Variants in LMBR1 observed in about 807,000 individuals in gnomAD.
LMBR1 encodes the protein limb region 1 protein homolog.
Under a neutral mutation model 73.9 loss-of-function variants are expected in LMBR1, and 52 were observed. That is an observed-to-expected ratio of 0.70 (90% CI 0.56 to 0.89). The LOEUF (loss-of-function observed/expected upper bound fraction) is 0.89. Among genes scored for constraint, LMBR1 ranks in the 40% least tolerant of loss-of-function variants. The pLI is 0.00. For missense variants in LMBR1, 539 were observed against 579.8 expected, an observed-to-expected ratio of 0.93 and a Z score of 0.72; for synonymous variants, 215 against 209.4, an observed-to-expected ratio of 1.03 and a Z score of -0.23.
intron 5 of LMBR1, among the ~76,000 whole-genome samples, chr7:156,783,883 T>A (rs1183515438): frequency 6.6e-6 from 1 of 152,172 alleles, no homozygotes; most frequent in Non-Finnish European, 1.5e-5. Context: ...ATCATCAAAG[T>A]GTATGTGTAG....
chr7:156,891,578 A>ATCAG (rs1249801076), intron 1 of LMBR1, among the ~76,000 whole-genome samples: 2 of 152,156 alleles, frequency 1.3e-5, no homozygotes, highest in Non-Finnish European at 2.9e-5. Flanking sequence ...AGGGAAAGGA[A>ATCAG]TCAGTCTCTG....
intron 15 of LMBR1, among the ~76,000 whole-genome samples, chr7:156,692,252 T>G (rs577575492): frequency 2.6e-5 from 4 of 152,248 alleles, no homozygotes; most frequent in African/African-American, 9.6e-5. Context: ...AATTTTTGTA[T>G]TTTTAGTAGA....
intron 4 of LMBR1, among the ~76,000 whole-genome samples, chr7:156,671,644 G>A (rs1802557429): frequency 6.6e-6 from 1 of 150,880 alleles, no homozygotes; most frequent in African/African-American, 2.4e-5. Context: ...TGTACTGCAG[G>A]ACGCCGATGT....
chr7:156,677,489 G>A (rs76939230), downstream of LMBR1, among the ~76,000 whole-genome samples: 2,147 of 152,192 alleles, frequency 0.014, 41 homozygotes, highest in African/African-American at 0.048. Context: ...CTGGTGGAGG[G>A]GCAGGAGGAC....
chr7:156,702,586 T>C (rs1459842328), intron 15 of LMBR1, among the ~76,000 whole-genome samples: 19 of 152,338 alleles, frequency 1.2e-4, no homozygotes, highest in African/African-American at 2.4e-5. Context: ...CTCATGATAG[T>C]TTCTTTTGCT....
intron 4 of LMBR1, among the ~76,000 whole-genome samples, chr7:156,801,572 C>CT (rs1830981310): frequency 6.6e-6 from 1 of 152,144 alleles, no homozygotes; most frequent in Admixed American, 6.5e-5. Flanking sequence ...AAGATGCTAT[C>CT]TTTTTTTCTG....
At chr7:156,776,962 T>G (rs1826255536) in intron 5 of LMBR1, among the ~76,000 whole-genome samples, 1 of 151,348 alleles carries the variant, frequency 6.6e-6, no homozygotes, top group Non-Finnish European at 1.5e-5. Context: ...AGATGGAATC[T>G]CGCCTGTCGC....
At chr7:156,835,053 T>A (rs1255348887) in intron 2 of LMBR1, among the ~76,000 whole-genome samples, 3 of 152,014 alleles carry the variant, frequency 2.0e-5, no homozygotes, top group Non-Finnish European at 2.9e-5. Flanking sequence ...AGCAGGAGAA[T>A]CACCTGAACC....
intron 4 of LMBR1, among the ~76,000 whole-genome samples, chr7:156,803,714 T>C (rs971496526): frequency 1.3e-5 from 2 of 151,870 alleles, no homozygotes; most frequent in African/African-American, 2.4e-5. Context: ...TGTGGCACTA[T>C]TCACAATAGA....
At chr7:156,887,485 A>G (rs1490090970) in intron 1 of LMBR1, among the ~76,000 whole-genome samples, 1 of 149,482 alleles carries the variant, frequency 6.7e-6, no homozygotes, top group Admixed American at 6.7e-5. Context: ...AAAAAAAAAA[A>G]GTTAAACACT....
intron 4 of LMBR1, among the ~76,000 whole-genome samples, chr7:156,813,557 A>G (rs1024714551): frequency 3.3e-5 from 5 of 152,192 alleles, no homozygotes; most frequent in African/African-American, 1.2e-4. Context: ...TGTGAAATAT[A>G]CGTTCTCTTC....
At chr7:156,767,145 G>T (rs1380981828) in intron 5 of LMBR1, among the ~76,000 whole-genome samples, 1 of 152,052 alleles carries the variant, frequency 6.6e-6, no homozygotes, top group Non-Finnish European at 1.5e-5. Flanking sequence ...GGGTCTCCCT[G>T]TCCTTCAGGG....
At chr7:156,705,108 T>C (rs936537945) in intron 15 of LMBR1, among the ~76,000 whole-genome samples, 17 of 152,252 alleles carry the variant, frequency 1.1e-4, no homozygotes, top group African/African-American at 4.1e-4. Context: ...AAAAATACAC[T>C]GCACAAAGGA....
intron 13 of LMBR1, 43 bp downstream of exon 13, chr7:156,725,721 A>G: frequency 6.4e-7 from 1 of 1,568,028 alleles, no homozygotes; most frequent in Admixed American, 1.8e-5. Flanking sequence ...AACTTGGTAT[A>G]AAATTTGTGG....
chr7:156,730,655 G>A (rs543833104), intron 10 of LMBR1, among the ~76,000 whole-genome samples: 2 of 152,198 alleles, frequency 1.3e-5, no homozygotes, highest in African/African-American at 4.8e-5. Context: ...ATGGGAAAAA[G>A]AGGCCAGGCA....
intron 5 of LMBR1, among the ~76,000 whole-genome samples, chr7:156,766,618 G>A (rs1393537018): frequency 1.3e-5 from 2 of 152,134 alleles, no homozygotes; most frequent in Non-Finnish European, 2.9e-5. Context: ...AGAAAGAGGA[G>A]GGGCCCATGC....
At chr7:156,706,455 A>G (rs1040880779) in intron 15 of LMBR1, among the ~76,000 whole-genome samples, 15 of 152,210 alleles carry the variant, frequency 9.9e-5, no homozygotes, top group African/African-American at 3.6e-4. Flanking sequence ...TGTTCTACTC[A>G]TCAGCACATA....
At chr7:156,672,359 C>T (rs1471576412) in intron 4 of LMBR1, among the ~76,000 whole-genome samples, 1 of 152,092 alleles carries the variant, frequency 6.6e-6, no homozygotes, top group African/African-American at 2.4e-5. Context: ...ACAGTCCTGG[C>T]CCCAGGACTA....
intron 1 of LMBR1, among the ~76,000 whole-genome samples, chr7:156,867,617 A>G (rs1227124480): frequency 6.6e-6 from 1 of 152,266 alleles, no homozygotes; most frequent in Non-Finnish European, 1.5e-5. Flanking sequence ...ACATGGCTAA[A>G]CTTTGAAAAT....
Sources: allele counts gnomAD v4.1 joint callset (sites outside exome capture counted in the v4.1 genomes callset), GRCh38; gene constraint gnomAD v4.1.1; transcripts MANE v1.5; gene names NCBI Gene and HGNC (gene_info 2026-07-23, HGNC 2026-07-21).